Variants in GPC6 observed in about 807,000 individuals in gnomAD.
GPC6 encodes glypican 6.
Under a neutral mutation model 55.2 loss-of-function variants are expected in GPC6, and 14 were observed. The ratio of observed to expected loss-of-function variants is 0.25; its 90% CI spans 0.17 to 0.40. GPC6 has a LOEUF of 0.40. Among genes scored for constraint, GPC6 ranks in the 10% least tolerant of loss-of-function variants. The pLI, the probability that GPC6 is intolerant of heterozygous loss-of-function variation, is 1.00. For synonymous variants in GPC6, 278 were observed against 259.6 expected, an observed-to-expected ratio of 1.07 and a Z score of -0.68; for missense variants, 641 against 708.5, an observed-to-expected ratio of 0.90 and a Z score of 1.08.
chr13:93,590,397 A>C (rs74341476), intron 2 of GPC6, among the ~76,000 whole-genome samples: 9,055 of 152,098 alleles, frequency 0.06, 365 homozygotes, highest in Middle Eastern at 0.17. Flanking sequence ...ATGTAAAAAG[A>C]GTGTTGCTAC....
Position 94,096,286 on chromosome 13 carries a change from G to A in GPC6, c.877+68392G>A, listed in dbSNP as rs115535506. On this transcript the variant is annotated intron_variant, in intron 4 of 8. Coordinates refer to ENST00000377047, the MANE Select transcript of GPC6 (RefSeq NM_005708.5). ...AAGGGACTACATTACTGAACCTGCC[G>A]TGGAATCAGAAATTTAAATATGTTT... Among the ~76,000 whole-genome samples, 1,290 of 150,504 alleles carry A rather than the reference G, an allele frequency of 8.6e-3. 24 individuals carry two copies. The highest frequency in any genetic ancestry group is 0.03 in the African/African-American group (1,221 of 40,982).
chr13:93,307,430 T>C (rs1026559093), intron 1 of GPC6, among the ~76,000 whole-genome samples: 2 of 152,094 alleles, frequency 1.3e-5, no homozygotes, highest in African/African-American at 4.8e-5. Flanking sequence ...CTTAACCACA[T>C]AGGAAGTTCA....
At position 93,805,657 on chromosome 13, in the gene GPC6, C is replaced by T. The variant is rs9589845; in HGVS notation, c.320-24497C>T. Among the ~76,000 whole-genome samples, 859 of 152,184 alleles carry T rather than the reference C, an allele frequency of 5.6e-3. 14 individuals are homozygous for T. The highest frequency in any genetic ancestry group is 0.02 in the African/African-American group (826 of 41,522). Reference sequence around the variant, plus strand: ...TAGCCACTGCTAATTCTAAGCTATGCCTTTCTCCATTAAATATATTTGTTT... The same window carrying T: ...TAGCCACTGCTAATTCTAAGCTATGTCTTTCTCCATTAAATATATTTGTTT... On this transcript the variant is annotated intron_variant, in intron 2 of 8. Coordinates refer to ENST00000377047, the MANE Select transcript of GPC6 (RefSeq NM_005708.5).
rs139515697 is a variant in GPC6, at chr13:93,535,251, CCTT to C, written c.161-10007_161-10005del. Among the ~76,000 whole-genome samples the C allele has an allele frequency of 1.1e-3, 164 of 152,210 alleles. 1 individual carries two copies. Among genetic ancestry groups the C allele is most frequent in the African/African-American group, 3.9e-3 (160 of 41,516 alleles). ...AACTCTTAAAAGGATTGCACTTTCT[CCTT>C]CTTCAAAAGTTATAACTTTGGAATA... is the stretch of plus-strand genomic sequence containing the variant. On this transcript the variant is annotated intron_variant, in intron 1 of 8. Coordinates refer to ENST00000377047, the MANE Select transcript of GPC6 (RefSeq NM_005708.5).
chr13:94,155,736 G>C (rs591981), intron 4 of GPC6, among the ~76,000 whole-genome samples: 88,196 of 151,970 alleles, frequency 0.58, 27,042 homozygotes, highest in Non-Finnish European at 0.67. Context: ...TTCAGTGACT[G>C]CTATTTCCAT....
intron 2 of GPC6, among the ~76,000 whole-genome samples, chr13:93,560,329 G>A (rs1202316167): frequency 3.6e-5 from 5 of 139,170 alleles, no homozygotes; most frequent in African/African-American, 5.4e-5. Flanking sequence ...ACAACACAGC[G>A]AAACAGTATC....
intron 1 of GPC6, among the ~76,000 whole-genome samples, chr13:93,383,399 C>A (rs7997302): frequency 0.15 from 23,081 of 151,958 alleles, 2,445 homozygotes; most frequent in East Asian, 0.53. Flanking sequence ...GAGTTTTTTG[C>A]AGAGAGGGAG....
At chr13:93,980,001 T>C (rs925852318) in intron 3 of GPC6, among the ~76,000 whole-genome samples, 2 of 152,164 alleles carry the variant, frequency 1.3e-5, no homozygotes, top group African/African-American at 4.8e-5. Context: ...CATCAGAGCT[T>C]GAAGAACTTT....
chr13:94,226,571 GGCT>G (rs1168421471), intron 4 of GPC6, among the ~76,000 whole-genome samples: 3 of 152,078 alleles, frequency 2.0e-5, no homozygotes, highest in Non-Finnish European at 4.4e-5. Flanking sequence ...AGGTACCTGA[GGCT>G]CTTTTCTAAG....
chr13:93,258,198 C>A (rs1163156028), intron 1 of GPC6, among the ~76,000 whole-genome samples: 1 of 152,166 alleles, frequency 6.6e-6, no homozygotes, highest in Non-Finnish European at 1.5e-5. Context: ...AGCTCCTTTG[C>A]ATCCAAGGTG....
intron 1 of GPC6, among the ~76,000 whole-genome samples, chr13:93,239,581 C>A (rs574087993): frequency 6.6e-6 from 1 of 151,898 alleles, no homozygotes; most frequent in Non-Finnish European, 1.5e-5. Context: ...TTTCGAAGAA[C>A]CAACTTTTCA....
intron 1 of GPC6, among the ~76,000 whole-genome samples, chr13:93,233,698 A>C (rs78584773): frequency 0.03 from 4,634 of 152,274 alleles, 230 homozygotes; most frequent in African/African-American, 0.11. Context: ...TTCAGTAAGG[A>C]AGCAGGAGTG....
At position 93,935,173 on chromosome 13, in the gene GPC6, C is replaced by T. The variant is rs1031385053; in HGVS notation, c.712-92556C>T. On this transcript the variant is annotated intron_variant, in intron 3 of 8. Transcript: ENST00000377047. ...GCATGTTTGTTACATGGGTATATTA[C>T]GTAATGATAAGGATTGAACTTCAAG... Among the ~76,000 whole-genome samples, 21 of 152,078 alleles carry T rather than the reference C, an allele frequency of 1.4e-4. 1 individual carries two copies. Among genetic ancestry groups the T allele is most frequent in the African/African-American group, 3.1e-4 (13 of 41,496 alleles).
chr13:94,082,085 C>T (rs972300285), intron 4 of GPC6, among the ~76,000 whole-genome samples: 41 of 152,064 alleles, frequency 2.7e-4, no homozygotes, highest in Admixed American at 2.6e-3. Context: ...AGATGATCCA[C>T]CTGCCTCGGC....
At chr13:93,540,744 A>G (rs1006635587) in intron 1 of GPC6, among the ~76,000 whole-genome samples, 4 of 152,130 alleles carry the variant, frequency 2.6e-5, no homozygotes, top group African/African-American at 4.8e-5. Context: ...ATCGTTAACT[A>G]TAGTCATCCT....
chr13:93,469,176 G>A (rs1335622486), intron 1 of GPC6, among the ~76,000 whole-genome samples: 1 of 152,150 alleles, frequency 6.6e-6, no homozygotes. Context: ...ATGAAATTTT[G>A]AAATCCCACT....
intron 4 of GPC6, among the ~76,000 whole-genome samples, chr13:94,111,190 G>A (rs544056410): frequency 4.0e-5 from 6 of 151,282 alleles, no homozygotes; most frequent in South Asian, 2.1e-4. Flanking sequence ...GTTTTTTCTC[G>A]TTGTTATTGT....
At chr13:94,037,796 A>G (rs1038650146) in intron 4 of GPC6, among the ~76,000 whole-genome samples, 1 of 151,926 alleles carries the variant, frequency 6.6e-6, no homozygotes, top group Non-Finnish European at 1.5e-5. Context: ...TTGATAAGCT[A>G]TATTGGAAGA....
chr13:93,857,923 G>A (rs961751179), intron 3 of GPC6, among the ~76,000 whole-genome samples: 1 of 151,434 alleles, frequency 6.6e-6, no homozygotes, highest in African/African-American at 2.4e-5. Context: ...TAGATAATGG[G>A]GAAGAGGAAA....
Sources: allele counts gnomAD v4.1 joint callset (sites outside exome capture counted in the v4.1 genomes callset), GRCh38; gene constraint gnomAD v4.1.1; transcripts MANE v1.5; gene names NCBI Gene and HGNC (gene_info 2026-07-23, HGNC 2026-07-21).